The following PNP variants were observed in gnomAD, a reference collection of about 807,000 sequenced individuals.
PNP encodes the protein purine nucleoside phosphorylase, also known as HEL-S-156an.
Under a neutral mutation model 26.8 loss-of-function variants are expected in PNP, and 18 were observed. The ratio of observed to expected loss-of-function variants is 0.67; its 90% CI spans 0.46 to 1.00. The LOEUF is 1.00. PNP is among the 50% of genes least tolerant of loss of function. The pLI is 0.00. For synonymous variants in PNP, 116 were observed against 124.8 expected (o/e 0.93, Z 0.47); for missense variants, 320 against 362.9 (o/e 0.88, Z 0.96).
At chr14:20,473,112 G>T (rs1016767057) in intron 2 of PNP, 6 of 151,906 alleles carry the variant, frequency 3.9e-5, no homozygotes, top group Non-Finnish European at 7.3e-5. Flanking sequence ...TACTCCACTT[G>T]GGTTTCCTTT....
chr14:20,469,515 C>A lies in PNP; in HGVS notation c.-10C>A. 1 of 1,552,386 alleles carries A rather than the reference C, an allele frequency of 6.4e-7. No individual in the cohort carries two copies. The highest frequency in any genetic ancestry group is 1.4e-5 in the African/African-American group (1 of 73,032). Reference sequence around the variant, plus strand: ...CGGAGCAGGCTCATCGAGAAGGCGTCTGCGAGACCATGGAGAACGGGTGAG... The same window carrying A: ...CGGAGCAGGCTCATCGAGAAGGCGTATGCGAGACCATGGAGAACGGGTGAG... On this transcript the variant is annotated 5_prime_UTR_variant, in exon 1 of 6. It adds an upstream start codon to the 5' untranslated region. Coordinates refer to ENST00000361505, the MANE Select transcript of PNP (RefSeq NM_000270.4).
chr14:20,471,959 T>A (rs1036538553), intron 1 of PNP, among the ~76,000 whole-genome samples: 2 of 152,212 alleles, frequency 1.3e-5, no homozygotes, highest in African/African-American at 4.8e-5. Context: ...CACTTCCCCG[T>A]ACACTCTGGC....
chr14:20,474,540 AG>A lies in PNP; in HGVS notation c.252del (p.Arg84SerfsTer13). Reference protein sequence around the residue: ...NGRACVMMQGRFHMYEGYPLW... With the variant: ...NGRACVMMQGXFHMYEGYPLW... ...CAGGGCCTGTGTGATGATGCAGGGC[AG>A]GTTCCACATGTATGAAGGGTACCCA... is the stretch of plus-strand genomic sequence containing the variant. On this transcript the variant is annotated frameshift_variant, in exon 3 of 6. Coordinates refer to ENST00000361505, the MANE Select transcript of PNP (RefSeq NM_000270.4). LOFTEE classifies it high-confidence loss of function. 2 of 1,614,178 alleles carry A rather than the reference AG, an allele frequency of 1.2e-6. No homozygotes were observed.
At chr14:20,471,197 A>ATTTTTTTTTTTTTT (rs397960222) in intron 1 of PNP, among the ~76,000 whole-genome samples, 131 of 90,652 alleles carry the variant, frequency 1.4e-3, no homozygotes, top group Middle Eastern at 6.5e-3. Flanking sequence ...CGCCCGGCTA[A>ATTTTTTTTTTTTTT]TTTTTTTTTT....
At position 20,475,105 on chromosome 14, in the gene PNP, A is replaced by G. The variant is rs1594427652; in HGVS notation, c.505A>G (p.Thr169Ala). The change falls in exon 5 of 6, where the codon ACT becomes GCT. Residue 169 changes from threonine to alanine, a missense_variant. Coordinates refer to ENST00000361505, the MANE Select transcript of PNP (RefSeq NM_000270.4). ...TGCCATGTCTGATGCCTACGACCGG[A>G]CTATGAGGCAGAGGGCTCTCAGTAC... ...FPAMSDAYDRTMRQRALSTWK... is the reference protein window; with the variant it reads ...FPAMSDAYDRAMRQRALSTWK... 6.2e-7 allele frequency: 1 copy of G among 1,614,178 alleles called. No individual in the cohort carries two copies. Among genetic ancestry groups the G allele is most frequent in the Non-Finnish European group, 8.5e-7 (1 of 1,180,036 alleles).
At chr14:20,472,966 G>A (rs536112270) in intron 2 of PNP, 1 of 200,726 alleles carries the variant, frequency 5.0e-6, no homozygotes, top group Admixed American at 5.3e-5. Flanking sequence ...CAGAGGGTGT[G>A]TGAAGGGCAT....
rs933726944 is a variant in PNP at position 20,474,817 on chromosome 14, C to T, written c.330C>T (p.Thr110=). ...VRVFHLLGVD[T]LVVTNAAGGL... ...TTTTCCACCTTCTGGGTGTGGACAC[C>T]CTGGTAGTCACCAATGCAGCAGGAG... The change falls in exon 4 of 6, where the codon ACC becomes ACT. Residue 110 remains threonine, a synonymous_variant. Coordinates refer to ENST00000361505, the MANE Select transcript of PNP (RefSeq NM_000270.4). 5 of 1,613,974 alleles carry T rather than the reference C, an allele frequency of 3.1e-6. No homozygotes were observed. Among genetic ancestry groups the T allele is most frequent in the African/African-American group, 2.7e-5 (2 of 74,894 alleles).
Position 20,469,429 on chromosome 14 carries a change from G to T in PNP, c.-96G>T, listed in dbSNP as rs17881206. On this transcript the variant is annotated 5_prime_UTR_variant, in exon 1 of 6. Coordinates refer to ENST00000361505, the MANE Select transcript of PNP (RefSeq NM_000270.4). ...CCAACTGTGCGAACCAGACCCGGCA[G>T]CCTTGCTCAGTTCAGCATAGCGGAG... 4.7e-6 allele frequency: 7 copies of T among 1,499,766 alleles called. No homozygotes were observed. Among genetic ancestry groups the T allele is most frequent in the Admixed American group, 3.9e-5 (2 of 50,914 alleles). The allele number at this position is 1,499,766 out of a possible 1,614,324, so 92.9% of individuals were successfully genotyped here. A position where few individuals can be genotyped will look rare whatever the true frequency, so the allele number is the denominator to read the frequency against.
Position 20,469,466 on chromosome 14 carries a change from G to C in PNP, c.-59G>C, listed in dbSNP as rs1000837774. On this transcript the variant is annotated 5_prime_UTR_variant, in exon 1 of 6. Coordinates refer to ENST00000361505, the MANE Select transcript of PNP (RefSeq NM_000270.4). ...TCAGCATAGCGGAGCGGATCCGATC[G>C]GATCGGAGCGGATCGGAGCACACCG... 2.6e-6 allele frequency: 4 copies of C among 1,545,770 alleles called. No homozygotes were observed. Among genetic ancestry groups the C allele is most frequent in the African/African-American group, 1.4e-5 (1 of 72,694 alleles).
At position 20,477,012 on chromosome 14, in the gene PNP, A is replaced by G. The variant is rs908899578; in HGVS notation, c.*411A>G. The G allele has an allele frequency of 3.5e-6, 1 of 287,924 alleles. No homozygotes were observed. The highest frequency in any genetic ancestry group is 6.8e-6 in the Non-Finnish European group (1 of 146,064). 17.8% of individuals were successfully genotyped at this position (287,924 alleles called of 1,614,324 possible). A position where few individuals can be genotyped will look rare whatever the true frequency, so the allele number is the denominator to read the frequency against. ...TGCCTTATCTAAATCACCAGAGACC[A>G]AACAAGGACTAATCCAATACCTCTT... On this transcript the variant is annotated 3_prime_UTR_variant, in exon 6 of 6. Coordinates refer to ENST00000361505, the MANE Select transcript of PNP (RefSeq NM_000270.4).
rs1478234250 is a variant in PNP at position 20,469,501 on chromosome 14, C to T, written c.-24C>T. The T allele has an allele frequency of 1.3e-6, 2 of 1,550,728 alleles. No individual in the cohort carries two copies. The highest frequency in any genetic ancestry group is 1.7e-6 in the Non-Finnish European group (2 of 1,147,480). ...GGATCGGAGCACACCGGAGCAGGCT[C>T]ATCGAGAAGGCGTCTGCGAGACCAT... is the stretch of plus-strand genomic sequence containing the variant. On this transcript the variant is annotated 5_prime_UTR_variant, in exon 1 of 6. Transcript: ENST00000361505.
intron 1 of PNP, 49 bp downstream of exon 1, chr14:20,469,584 G>A (rs1349302454): frequency 1.3e-6 from 2 of 1,552,730 alleles, no homozygotes; most frequent in Admixed American, 2.0e-5. Context: ...GGCAGGTGCT[G>A]TGACCCGGGA....
At position 20,474,812 on chromosome 14, in the gene PNP, G is replaced by C. The variant is rs1882063453; in HGVS notation, c.325G>C (p.Asp109His). Residue 109 changes from aspartate (D) to histidine (H), a missense_variant, in exon 4 of 6, where the codon GAC becomes CAC. Asp to His is a moderately conservative substitution (Grantham distance 81). Transcript: ENST00000361505. ...GAGGGTTTTCCACCTTCTGGGTGTG[G>C]ACACCCTGGTAGTCACCAATGCAGC... ...PVRVFHLLGV[D>H]TLVVTNAAGG... is the part of the protein sequence containing the mutation. The C allele has an allele frequency of 6.2e-7, 1 of 1,613,986 alleles. No homozygotes were observed. Among genetic ancestry groups the C allele is most frequent in the Non-Finnish European group, 8.5e-7 (1 of 1,180,006 alleles).
At chr14:20,472,055 G>A (rs757107927) in intron 1 of PNP, among the ~76,000 whole-genome samples, 4 of 152,198 alleles carry the variant, frequency 2.6e-5, no homozygotes, top group Non-Finnish European at 2.9e-5. Flanking sequence ...GGGCCTGTTA[G>A]TAGAAACAGG....
intron 1 of PNP, among the ~76,000 whole-genome samples, chr14:20,471,386 C>G (rs574235959): frequency 4.0e-5 from 6 of 151,490 alleles, no homozygotes; most frequent in African/African-American, 1.5e-4. Context: ...ACATGGGCTT[C>G]AGAATCTGTT....
At chr14:20,474,989 A>G (rs1284469061) in intron 4 of PNP, 41 bp downstream of exon 4, 3 of 1,613,610 alleles carry the variant, frequency 1.9e-6, no homozygotes, top group Non-Finnish European at 2.5e-6. Context: ...GGTAGGATTT[A>G]AAGACTTCTC....
At chr14:20,474,167 C>T in intron 2 of PNP, 1 of 351,722 alleles carries the variant, frequency 2.8e-6, no homozygotes, top group Non-Finnish European at 5.4e-6. Context: ...ACTTTTTACT[C>T]TCTGGCAGTA....
intron 5 of PNP, 55 bp from the exon 6 acceptor site, chr14:20,476,329 G>A: frequency 7.2e-7 from 1 of 1,383,466 alleles, no homozygotes; most frequent in Non-Finnish European, 1.0e-6. Flanking sequence ...TAAAGGGCAA[G>A]GAAAAGAGTT....
At chr14:20,472,634 CTT>C (rs2139335598) in intron 2 of PNP, 157 bp downstream of exon 2, 2 of 745,750 alleles carry the variant, frequency 2.7e-6, no homozygotes, top group African/African-American at 3.4e-5. Context: ...GTCAGAGTGA[CTT>C]TAGGAGATGC....
Sources: gnomAD v4.1 joint callset for allele counts (sites outside exome capture counted in the v4.1 genomes callset) on GRCh38, gnomAD v4.1.1 for gene constraint, MANE v1.5 for transcripts, NCBI Gene and HGNC (gene_info 2026-07-23, HGNC 2026-07-21) for gene names.